Variants in ADARB2 observed in about 807,000 individuals in gnomAD.
ADARB2 encodes the protein adenosine deaminase RNA specific B2 (inactive), also known as inactive double-stranded RNA-specific editase B2.
ADARB2 carries 25 observed loss-of-function variants against 62.2 expected under a neutral mutation model. That is an observed-to-expected ratio of 0.40 (90% CI 0.29 to 0.56). The LOEUF is 0.56. Ranked by LOEUF, ADARB2 falls within the 20% of genes least tolerant of loss-of-function variation. ADARB2 has a pLI of 0.43. For synonymous variants in ADARB2, 572 were observed against 500.8 expected, an observed-to-expected ratio of 1.14 and a Z score of -1.90; for missense variants, 1,071 against 1,077.4, an observed-to-expected ratio of 0.99 and a Z score of 0.08.
rs749435838 is a variant in ADARB2 at position 1,184,911 on chromosome 10, G to T, written c.1993C>A (p.Arg665=). 14 of 1,613,746 alleles carry T rather than the reference G, an allele frequency of 8.7e-6. No individual in the cohort carries two copies. The highest frequency in any genetic ancestry group is 3.3e-5 in the South Asian group (3 of 91,076). Residue 665 remains arginine (R), a synonymous_variant, in exon 9 of 10, where the codon CGG becomes AGG. Transcript: ENST00000381312. ...GCAGACAGCACGTGCTTGCAGAGCC[G>T]GGATGGGCCCCCACAGCTCCTCCGC... is the stretch of plus-strand genomic sequence containing the variant. ...TGRRSCGGPS[R]LCKHVLSARW... is the part of the protein sequence containing the mutation.
intron 5 of ADARB2, among the ~76,000 whole-genome samples, chr10:1,234,555 C>G (rs1025905878): frequency 2.0e-5 from 3 of 151,996 alleles, no homozygotes; most frequent in Non-Finnish European, 4.4e-5. Flanking sequence ...ATCCTCCTGC[C>G]TCAGCCTCCC....
At chr10:1,588,486 C>G (rs4880521) in intron 1 of ADARB2, among the ~76,000 whole-genome samples, 143,293 of 152,264 alleles carry the variant, frequency 0.94, 67,476 homozygotes, top group East Asian at 0.99. Flanking sequence ...GTAGACAGAG[C>G]TAGGTAGGCC....
chr10:1,707,094 G>C (rs7081713), intron 1 of ADARB2, among the ~76,000 whole-genome samples: 146,115 of 152,318 alleles, frequency 0.96, 70,395 homozygotes, highest in East Asian at 1. Context: ...AAATTATTTC[G>C]ATCACAACAA....
intron 1 of ADARB2, among the ~76,000 whole-genome samples, chr10:1,726,414 C>T (rs905909746): frequency 3.9e-5 from 6 of 152,090 alleles, no homozygotes; most frequent in African/African-American, 9.7e-5. Flanking sequence ...GGACCATTCA[C>T]TCTCGGTGAC....
intron 1 of ADARB2, among the ~76,000 whole-genome samples, chr10:1,585,804 G>T (rs1833168045): frequency 6.6e-6 from 1 of 152,102 alleles, no homozygotes; most frequent in Admixed American, 6.5e-5. Flanking sequence ...GGAGGCCAAG[G>T]TGGGCAGATC....
intron 3 of ADARB2, among the ~76,000 whole-genome samples, chr10:1,324,867 A>C (rs1252347105): frequency 6.6e-6 from 1 of 152,170 alleles, no homozygotes; most frequent in African/African-American, 2.4e-5. Context: ...ACGCAAGTAC[A>C]ATTAAAACTG....
intron 1 of ADARB2, among the ~76,000 whole-genome samples, chr10:1,646,889 G>T (rs1181846654): frequency 6.6e-6 from 1 of 152,236 alleles, no homozygotes; most frequent in Admixed American, 6.5e-5. Context: ...AGTCTTGCCA[G>T]TGCCTGCGTG....
intron 1 of ADARB2, among the ~76,000 whole-genome samples, chr10:1,658,244 ATG>A (rs1834197740): frequency 7.2e-6 from 1 of 138,582 alleles, no homozygotes; most frequent in African/African-American, 2.8e-5. Flanking sequence ...CTCTCTCTGT[ATG>A]TCTCTCTGTC....
intron 1 of ADARB2, among the ~76,000 whole-genome samples, chr10:1,569,092 CAG>C (rs1023875284): frequency 2.7e-5 from 4 of 150,316 alleles, no homozygotes; most frequent in African/African-American, 9.8e-5. Flanking sequence ...CAGAGACAGA[CAG>C]AGAGAGACAG....
At chr10:1,495,482 G>C (rs1388432480) in intron 1 of ADARB2, among the ~76,000 whole-genome samples, 1 of 152,150 alleles carries the variant, frequency 6.6e-6, no homozygotes, top group Non-Finnish European at 1.5e-5. Context: ...ACTATGCAAT[G>C]GGTTTAAACA....
intron 1 of ADARB2, among the ~76,000 whole-genome samples, chr10:1,592,341 TAGGTCTCCTCTCTGGCATGGTCCCCTCTG>T (rs1442772984): frequency 7.2e-5 from 10 of 139,446 alleles, no homozygotes; most frequent in African/African-American, 1.3e-4. Context: ...CCACCCTCCA[TAGGTCTCCTCTCTGGCATGGTCCCCTCTG>T]TCACCCAGCT....
intron 4 of ADARB2, among the ~76,000 whole-genome samples, chr10:1,261,805 G>A (rs573745737): frequency 6.7e-6 from 1 of 150,372 alleles, no homozygotes; most frequent in Admixed American, 6.6e-5. Flanking sequence ...TATACCCAAA[G>A]GACTATAAAT....
chr10:1,659,690 C>T (rs971452248), intron 1 of ADARB2, among the ~76,000 whole-genome samples: 3 of 152,228 alleles, frequency 2.0e-5, no homozygotes, highest in Non-Finnish European at 2.9e-5. Flanking sequence ...CCTGCTGGGC[C>T]CTGCCCCATC....
chr10:1,618,398 A>G (rs1833668022), intron 1 of ADARB2, among the ~76,000 whole-genome samples: 1 of 152,238 alleles, frequency 6.6e-6, no homozygotes, highest in Admixed American at 6.5e-5. Context: ...CTTAAGATGA[A>G]TGAGAAGATT....
At chr10:1,522,706 G>A (rs750746159) in intron 1 of ADARB2, among the ~76,000 whole-genome samples, 22 of 152,088 alleles carry the variant, frequency 1.4e-4, no homozygotes, top group Non-Finnish European at 1.6e-4. Context: ...TCCTTTGCCC[G>A]TTTATACGTT....
chr10:1,720,763 G>A (rs1835081170), intron 1 of ADARB2, among the ~76,000 whole-genome samples: 1 of 152,168 alleles, frequency 6.6e-6, no homozygotes, highest in Admixed American at 6.5e-5. Flanking sequence ...AACATTTGGA[G>A]GAGCAGGAAG....
At chr10:1,647,778 G>A (rs945519996) in intron 1 of ADARB2, among the ~76,000 whole-genome samples, 1 of 150,716 alleles carries the variant, frequency 6.6e-6, no homozygotes, top group African/African-American at 2.4e-5. Context: ...TGTGGTGTGT[G>A]TATATATGTG....
At chr10:1,317,895 C>T (rs1312130040) in intron 3 of ADARB2, among the ~76,000 whole-genome samples, 1 of 152,194 alleles carries the variant, frequency 6.6e-6, no homozygotes, top group Admixed American at 6.5e-5. Context: ...TGGTACCCAT[C>T]CCGTCACTTC....
At chr10:1,402,207 A>G (rs928511405) in intron 1 of ADARB2, among the ~76,000 whole-genome samples, 1 of 152,206 alleles carries the variant, frequency 6.6e-6, no homozygotes, top group Non-Finnish European at 1.5e-5. Flanking sequence ...GATGAGGGGT[A>G]GGGAAGGAAG....
Sources: gnomAD v4.1 joint callset for allele counts (sites outside exome capture counted in the v4.1 genomes callset) on GRCh38, gnomAD v4.1.1 for gene constraint, MANE v1.5 for transcripts, NCBI Gene and HGNC (gene_info 2026-07-23, HGNC 2026-07-21) for gene names.